URB1: variants seen among roughly 807,000 people sequenced by gnomAD.
URB1 encodes URB1 ribosome biogenesis factor, also known as nucleolar pre-ribosomal-associated protein 1.
A neutral mutation model predicts 242.3 loss-of-function variants in URB1; 197 were observed. The ratio of observed to expected loss-of-function variants is 0.81; its 90% CI spans 0.72 to 0.91. The LOEUF is 0.91. Among genes scored for constraint, URB1 ranks in the 40% least tolerant of loss-of-function variants. URB1 has a pLI of 0.00. For missense variants in URB1, 2,721 were observed against 2,860.5 expected (o/e 0.95, Z 1.11); for synonymous variants, 1,153 against 1,201.8 (o/e 0.96, Z 0.84).
At chr21:32,338,440 C>A (rs753997735) in intron 26 of URB1, among the ~76,000 whole-genome samples, 1 of 152,162 alleles carries the variant, frequency 6.6e-6, no homozygotes, top group Non-Finnish European at 1.5e-5. Context: ...TTAACATGAG[C>A]CCATGATAAC....
rs535216691 is a variant in URB1 at position 32,382,084 on chromosome 21, T to C, written c.567+1338A>G. 2.0e-5 allele frequency among the ~76,000 whole-genome samples: 3 copies of C among 152,314 alleles called. 1 individual carries two copies. Among genetic ancestry groups the C allele is most frequent in the African/African-American group, 7.2e-5 (3 of 41,582 alleles). On this transcript the variant is annotated intron_variant, in intron 4 of 38. Transcript: ENST00000382751. ...ACCCTGAGATGAAACGGCTTGTGTG[T>C]GGCCCTGCAGCCGGGCTTCAGGACG...
chr21:32,322,258 C>T (rs892251299), intron 33 of URB1, among the ~76,000 whole-genome samples: 5 of 152,096 alleles, frequency 3.3e-5, no homozygotes, highest in Admixed American at 1.3e-4. Context: ...TGTCGTAAAA[C>T]TCAGGACTCT....
chr21:32,322,308 G>C (rs1476784297), intron 33 of URB1, among the ~76,000 whole-genome samples, 170 bp downstream of exon 33: 2 of 152,198 alleles, frequency 1.3e-5, no homozygotes, highest in Admixed American at 1.3e-4. Flanking sequence ...ATGTAGAAGT[G>C]AGCCAACAGC....
At chr21:32,328,657 GC>G (rs913726468) in intron 30 of URB1, among the ~76,000 whole-genome samples, 14 of 152,250 alleles carry the variant, frequency 9.2e-5, no homozygotes, top group African/African-American at 3.4e-4. Flanking sequence ...ACTAAAAGCA[GC>G]TAATACTCAG....
intron 30 of URB1, among the ~76,000 whole-genome samples, chr21:32,326,874 G>T (rs2032835994): frequency 6.6e-6 from 1 of 152,154 alleles, no homozygotes; most frequent in Non-Finnish European, 1.5e-5. Context: ...GACCAATAGA[G>T]ATGGGATTAT....
At chr21:32,334,848 T>C (rs2032939311) in intron 28 of URB1, among the ~76,000 whole-genome samples, 1 of 152,164 alleles carries the variant, frequency 6.6e-6, no homozygotes, top group Non-Finnish European at 1.5e-5. Flanking sequence ...CAGGTCTGCC[T>C]ACACAAGCCT....
chr21:32,318,571 T>C (rs1177681358), intron 36 of URB1, among the ~76,000 whole-genome samples: 1 of 152,216 alleles, frequency 6.6e-6, no homozygotes, highest in African/African-American at 2.4e-5. Flanking sequence ...ATCAGGACAT[T>C]TTTCCTTCTG....
intron 3 of URB1, 130 bp from the exon 4 acceptor site, chr21:32,383,684 G>A (rs2146054264): frequency 1.4e-5 from 15 of 1,042,838 alleles, no homozygotes; most frequent in South Asian, 6.0e-5. Flanking sequence ...GAAGGAAAAA[G>A]ACATGCTCTT....
intron 33 of URB1, 131 bp downstream of exon 33, chr21:32,322,347 G>A (rs2032777372): frequency 1.6e-5 from 13 of 808,872 alleles, no homozygotes; most frequent in South Asian, 6.5e-5. Flanking sequence ...GCAGGCCTGC[G>A]TGGCCACCGA....
At chr21:32,376,813 T>TTGTTTGTG (rs771029841) in intron 5 of URB1, among the ~76,000 whole-genome samples, 13 of 132,994 alleles carry the variant, frequency 9.8e-5, no homozygotes, top group Non-Finnish European at 2.3e-4. Flanking sequence ...AACTTTTGTT[T>TTGTTTGTG]TGTTTGTTTG....
At position 32,361,997 on chromosome 21, in the gene URB1, C is replaced by T. The variant is rs749219842; in HGVS notation, c.1534G>A (p.Val512Met). Residue 512 changes from valine to methionine, a missense_variant, in exon 12 of 39, where the codon GTG (valine) becomes ATG (methionine). Physicochemically the swap from Val to Met is conservative, Grantham distance 21. Coordinates refer to ENST00000382751, the MANE Select transcript of URB1 (RefSeq NM_014825.3). Reference sequence around the variant, plus strand: ...TTTTTAAGTGACTGCCAGACCCACACGACAGTGTTCAGGTCTGGCAAAATC... The same window carrying T: ...TTTTTAAGTGACTGCCAGACCCACATGACAGTGTTCAGGTCTGGCAAAATC... ...SKILPDLNTV[V>M]WVWQSLKKQE... The T allele has an allele frequency of 5.4e-5, 84 of 1,551,440 alleles. No individual in the cohort carries two copies. The highest frequency in any genetic ancestry group is 1.7e-4 in the Middle Eastern group (1 of 6,012).
At chr21:32,338,590 T>C in intron 26 of URB1, 117 bp downstream of exon 26, 3 of 1,142,914 alleles carry the variant, frequency 2.6e-6, no homozygotes, top group Non-Finnish European at 3.8e-6. Flanking sequence ...GACACTGTCT[T>C]GGCAATGCTT....
chr21:32,359,695 G>A, intron 14 of URB1, 101 bp downstream of exon 14: 1 of 1,009,270 alleles, frequency 9.9e-7, no homozygotes, highest in East Asian at 2.8e-5. Flanking sequence ...CTTCCGTCTT[G>A]CCCCGTCAGG....
chr21:32,382,419 T>A (rs1338539219), intron 4 of URB1, among the ~76,000 whole-genome samples: 2 of 152,188 alleles, frequency 1.3e-5, no homozygotes, highest in Non-Finnish European at 2.9e-5. Flanking sequence ...GAATACCTTA[T>A]TTGTAATTCC....
chr21:32,381,442 T>C (rs1228248386), intron 4 of URB1, among the ~76,000 whole-genome samples: 1 of 117,728 alleles, frequency 8.5e-6, no homozygotes. Context: ...AAAAAAAAAA[T>C]CCCTGCCAGC....
Position 32,321,873 on chromosome 21 carries a change from C to G in URB1, c.5412G>C (p.Leu1804=). 3.2e-6 allele frequency: 5 copies of G among 1,551,748 alleles called. No homozygotes were observed. The highest frequency in any genetic ancestry group is 4.9e-5 in the East Asian group (2 of 40,926). Residue 1804 remains leucine, a synonymous_variant, in exon 34 of 39, where the codon CTG becomes CTC. Transcript: ENST00000382751. ...QGIRDKQCYE[L]CARRGIFHII... ...TGTGGAAGATGCCACGCCGGGCACA[C>G]AGTTCGTAGCACTGCTTGTCACGGA... is the stretch of plus-strand genomic sequence containing the variant.
At chr21:32,376,692 C>T (rs2033462759) in intron 5 of URB1, among the ~76,000 whole-genome samples, 1 of 152,162 alleles carries the variant, frequency 6.6e-6, no homozygotes, top group Admixed American at 6.5e-5. Context: ...GGCTAGAGTG[C>T]AGTGGCGCAA....
At chr21:32,335,584 G>C (rs1215197330) in intron 28 of URB1, 1 of 152,274 alleles carries the variant, frequency 6.6e-6, no homozygotes, top group African/African-American at 2.4e-5. Flanking sequence ...ATACAGGTTC[G>C]CTTCTGTGCA....
intron 25 of URB1, among the ~76,000 whole-genome samples, chr21:32,339,946 C>T (rs2033009829): frequency 6.6e-6 from 1 of 152,216 alleles, no homozygotes; most frequent in Non-Finnish European, 1.5e-5. Context: ...CTCTCCTCTA[C>T]TCAGAACTTC....
Sources: gnomAD v4.1 joint callset for allele counts (sites outside exome capture counted in the v4.1 genomes callset) on GRCh38, gnomAD v4.1.1 for gene constraint, MANE v1.5 for transcripts, NCBI Gene and HGNC (gene_info 2026-07-23, HGNC 2026-07-21) for gene names.